Variants in ATP10D observed in about 807,000 individuals in gnomAD.
The protein encoded by ATP10D is phospholipid-transporting ATPase VD.
Under a neutral mutation model 144.8 loss-of-function variants are expected in ATP10D, and 89 were observed. The ratio of observed to expected loss-of-function variants is 0.61; its 90% confidence interval spans 0.52 to 0.73. The LOEUF (loss-of-function observed/expected upper bound fraction) is 0.73, where lower values mean the gene tolerates loss of function less well. ATP10D is among the 30% of genes least tolerant of loss of function. ATP10D has a pLI of 0.00. For synonymous variants in ATP10D, 571 were observed against 615.1 expected, an observed-to-expected ratio of 0.93 and a Z score of 1.06; for missense variants, 1,603 against 1,714.8, an observed-to-expected ratio of 0.93 and a Z score of 1.15.
rs1230900395 is a variant in ATP10D at position 47,566,425 on chromosome 4, ACTTT to A, written c.2854-2409_2854-2406del. Among the ~76,000 whole-genome samples the A allele has an allele frequency of 3.3e-5, 5 of 152,026 alleles. No individual in the cohort carries two copies. The East Asian group carries it at 9.6e-4, about 29-fold the overall frequency. On this transcript the variant is annotated intron_variant, in intron 15 of 22. Transcript: ENST00000273859. ...TTAAATTTTTCTCCTCAGATTGGTA[ACTTT>A]CTATCTTCATAATTTATATTAGAAT... is the stretch of plus-strand genomic sequence containing the variant.
At chr4:47,540,162 T>C (rs1009156738) in intron 9 of ATP10D, among the ~76,000 whole-genome samples, 2 of 152,228 alleles carry the variant, frequency 1.3e-5, no homozygotes, top group African/African-American at 4.8e-5. Context: ...TTCTGAGGCA[T>C]ATTTTCACTG....
intron 21 of ATP10D, among the ~76,000 whole-genome samples, chr4:47,584,848 A>G (rs1720703040): frequency 6.6e-6 from 1 of 152,226 alleles, no homozygotes; most frequent in East Asian, 1.9e-4. Flanking sequence ...TGTACATTTT[A>G]TTTAAAAATA....
intron 1 of ATP10D, 79 bp from the exon 2 acceptor site, chr4:47,512,425 A>C: frequency 1.1e-6 from 1 of 912,518 alleles, no homozygotes; most frequent in East Asian, 2.6e-5. Context: ...TTTATTTGGT[A>C]TAGAAAAAAT....
At chr4:47,505,780 TA>T (rs1269287137) in intron 1 of ATP10D, among the ~76,000 whole-genome samples, 7 of 151,348 alleles carry the variant, frequency 4.6e-5, no homozygotes, top group African/African-American at 1.7e-4. Context: ...AAAAGAAACC[TA>T]GGGGGTGAGA....
At chr4:47,497,857 A>G (rs1346500979) in intron 1 of ATP10D, among the ~76,000 whole-genome samples, 1 of 152,200 alleles carries the variant, frequency 6.6e-6, no homozygotes, top group African/African-American at 2.4e-5. Context: ...AAAATGAAGT[A>G]TTTAGTTGGA....
chr4:47,515,470 T>C lies in ATP10D; in HGVS notation c.291-6T>C. ...TAACACCTCCCTTTGTGTGTTTGGG[T>C]TGCAGAGCTGCCAATTTATATTTCC... On this transcript the variant is annotated splice_region_variant and splice_polypyrimidine_tract_variant and intron_variant, in intron 2 of 22. Coordinates refer to ENST00000273859, the MANE Select transcript of ATP10D (RefSeq NM_020453.4). 6.2e-7 allele frequency: 1 copy of C among 1,607,972 alleles called. No individual in the cohort carries two copies.
At chr4:47,580,536 A>T in intron 20 of ATP10D, 58 bp downstream of exon 20, 1 of 1,479,994 alleles carries the variant, frequency 6.8e-7, no homozygotes, top group Middle Eastern at 1.7e-4. Context: ...GCTTCTTTGT[A>T]CTTTGCCACC....
chr4:47,591,437 A>G lies in ATP10D; in HGVS notation c.*56A>G. 7.0e-7 allele frequency: 1 copy of G among 1,427,956 alleles called. No homozygotes were observed. Among genetic ancestry groups the G allele is most frequent in the Non-Finnish European group, 9.5e-7 (1 of 1,052,430 alleles). 88.5% of individuals were successfully genotyped at this position (1,427,956 alleles called of 1,614,324 possible). Reference sequence around the variant, plus strand: ...CAAGGTTGGAAGAGGGATTTTGAAGAGGTATCTCTCCAAGCAAGAATGACT... The same window carrying G: ...CAAGGTTGGAAGAGGGATTTTGAAGGGGTATCTCTCCAAGCAAGAATGACT... On this transcript the variant is annotated 3_prime_UTR_variant, in exon 23 of 23. Transcript: ENST00000273859.
chr4:47,511,975 C>G (rs1449722532), intron 1 of ATP10D, among the ~76,000 whole-genome samples: 1 of 152,184 alleles, frequency 6.6e-6, no homozygotes, highest in African/African-American at 2.4e-5. Context: ...CATGGCCAAG[C>G]CCAGACACCA....
At chr4:47,546,522 G>T in intron 9 of ATP10D, 102 bp from the exon 10 acceptor site, 1 of 1,049,300 alleles carries the variant, frequency 9.5e-7, no homozygotes, top group Admixed American at 1.8e-5. Context: ...GTTTGAAAGG[G>T]GAGGAGATGG....
chr4:47,529,338 A>C (rs1023698552), intron 5 of ATP10D, among the ~76,000 whole-genome samples: 24 of 152,090 alleles, frequency 1.6e-4, no homozygotes, highest in African/African-American at 5.6e-4. Flanking sequence ...GTAGGGATTT[A>C]GTTTATTCTT....
chr4:47,550,181 A>G (rs114112109), intron 10 of ATP10D, among the ~76,000 whole-genome samples: 3,730 of 152,230 alleles, frequency 0.025, 142 homozygotes, highest in African/African-American at 0.083. Context: ...TTTATGTCCC[A>G]TCTAGAGTGT....
intron 22 of ATP10D, among the ~76,000 whole-genome samples, chr4:47,588,165 C>G (rs1426318896): frequency 6.6e-6 from 1 of 152,060 alleles, no homozygotes; most frequent in Admixed American, 6.6e-5. Context: ...AGTTACTCCC[C>G]CAGTTCTAGT....
In ATP10D at chr4:47,546,830, C is replaced by T; in HGVS notation, c.1603C>T (p.His535Tyr). Reference protein sequence around the residue: ...GSGEGASEVPHSRQAAFSSPI... With the variant: ...GSGEGASEVPYSRQAAFSSPI... ...TGGAGAAGGAGCCAGTGAAGTGCCT[C>T]ATTCCAGACAGGCTGCTTTCAGTAG... The change falls in exon 10 of 23, where the codon CAT becomes TAT. Residue 535 changes from histidine (H) to tyrosine (Y), a missense_variant. Physicochemically the swap from His to Tyr is moderately conservative, Grantham distance 83. Coordinates refer to ENST00000273859, the MANE Select transcript of ATP10D (RefSeq NM_020453.4). 1.2e-6 allele frequency: 2 copies of T among 1,613,122 alleles called. No individual in the cohort carries two copies. Among genetic ancestry groups the T allele is most frequent in the Non-Finnish European group, 1.7e-6 (2 of 1,179,954 alleles).
chr4:47,535,292 C>T (rs1479530425), intron 5 of ATP10D, among the ~76,000 whole-genome samples: 2 of 147,340 alleles, frequency 1.4e-5, no homozygotes, highest in African/African-American at 2.5e-5. Flanking sequence ...TAAACCTGCA[C>T]GTGTACCACC....
chr4:47,536,374 A>G, intron 7 of ATP10D, 63 bp from the exon 8 acceptor site: 1 of 1,576,172 alleles, frequency 6.3e-7, no homozygotes, highest in Non-Finnish European at 8.6e-7. Context: ...CTTTAGGAAT[A>G]AAATTTTTTG....
Position 47,568,218 on chromosome 4 carries a change from T to A in ATP10D, c.2854-619T>A, listed in dbSNP as rs569014725. On this transcript the variant is annotated intron_variant, in intron 15 of 22. Coordinates refer to ENST00000273859, the MANE Select transcript of ATP10D (RefSeq NM_020453.4). Reference sequence around the variant, plus strand: ...ACCACAAAGAACATCCTGGCCAGAATGCAAGTGCCATGAGGGCAGGAATTT... The same window carrying A: ...ACCACAAAGAACATCCTGGCCAGAAAGCAAGTGCCATGAGGGCAGGAATTT... Among the ~76,000 whole-genome samples, 71 of 152,354 alleles carry A rather than the reference T, an allele frequency of 4.7e-4. 1 individual carries two copies. In the South Asian group the frequency reaches 0.014, roughly 31 times the overall value.
In ATP10D at chr4:47,576,780, T is replaced by A; in HGVS notation, c.3374T>A (p.Val1125Glu). Reference protein sequence around the residue: ...LYFFYKNVAYVNLLFWYQFFC... With the variant: ...LYFFYKNVAYENLLFWYQFFC... Reference sequence around the variant, plus strand: ...CCTTCTTTGTGTCTCTAGGCCTATGTGAACCTCCTTTTCTGGTACCAGTTC... The same window carrying A: ...CCTTCTTTGTGTCTCTAGGCCTATGAGAACCTCCTTTTCTGGTACCAGTTC... The change falls in exon 19 of 23, where the codon GTG (valine) becomes GAG (glutamate). Residue 1125 changes from valine to glutamate, a missense_variant. Val to Glu is a moderately radical substitution (Grantham distance 121, BLOSUM62 -2). Transcript: ENST00000273859. The A allele has an allele frequency of 6.2e-7, 1 of 1,614,066 alleles. No individual in the cohort carries two copies. Among genetic ancestry groups the A allele is most frequent in the Non-Finnish European group, 8.5e-7 (1 of 1,179,888 alleles).
chr4:47,545,826 C>T (rs1351176432), intron 9 of ATP10D, among the ~76,000 whole-genome samples: 1 of 143,098 alleles, frequency 7.0e-6, no homozygotes, highest in Admixed American at 6.9e-5. Context: ...TAGGTCTTGG[C>T]ATAGGATCTA....
Sources: gnomAD v4.1 joint callset for allele counts (sites outside exome capture counted in the v4.1 genomes callset) on GRCh38, gnomAD v4.1.1 for gene constraint, MANE v1.5 for transcripts, NCBI Gene and HGNC (gene_info 2026-07-23, HGNC 2026-07-21) for gene names.